LRP5: variants seen among roughly 807,000 people sequenced by gnomAD.
The protein encoded by LRP5 is low-density lipoprotein receptor-related protein 5.
A neutral mutation model predicts 154.1 loss-of-function variants in LRP5; 62 were observed. The observed-to-expected ratio is 0.40, with a 90% CI of 0.33 to 0.50. LRP5 has a LOEUF of 0.50. Among genes scored for constraint, LRP5 ranks in the 20% least tolerant of loss-of-function variants. LRP5 has a pLI of 0.55. For synonymous variants in LRP5, 966 were observed against 1,011.5 expected (o/e 0.96, Z 0.85); for missense variants, 1,915 against 2,336.7 (o/e 0.82, Z 3.72).
At chr11:68,406,048 A>C (rs1591287869) in intron 8 of LRP5, among the ~76,000 whole-genome samples, 1 of 152,242 alleles carries the variant, frequency 6.6e-6, no homozygotes, top group East Asian at 1.9e-4. Flanking sequence ...GCCTTGCTGC[A>C]CTTTAGTTTC....
At chr11:68,305,592 G>A in the LRP5 span, among the ~76,000 whole-genome samples, 8 of 152,024 alleles carry the variant, frequency 5.3e-5, no homozygotes, top group East Asian at 1.4e-3. Flanking sequence ...ACAGATGCAC[G>A]CCACCATGCC....
At chr11:68,375,973 C>T (rs2098637106) in intron 5 of LRP5, among the ~76,000 whole-genome samples, 1 of 152,168 alleles carries the variant, frequency 6.6e-6, no homozygotes, top group African/African-American at 2.4e-5. Context: ...TGCTGATAGC[C>T]ATCTTCTGTC....
chr11:68,377,865 GAT>G lies in LRP5; in HGVS notation c.1016-8450_1016-8449del, dbSNP rs1180555806. ...TTTCCCTGGATCTCAGCTTTCCCCG[GAT>G]CTCAGCTTTCCCCGGATCTCAGCTT... On this transcript the variant is annotated intron_variant, in intron 5 of 22. Transcript: ENST00000294304. Among the ~76,000 whole-genome samples, 431 of 151,540 alleles carry G rather than the reference GAT, an allele frequency of 2.8e-3. 3 individuals are homozygous for G. Among genetic ancestry groups the G allele is most frequent in the African/African-American group, 9.9e-3 (408 of 41,314 alleles).
At chr11:68,349,413 C>A (rs1210119456) in intron 2 of LRP5, among the ~76,000 whole-genome samples, 2 of 152,202 alleles carry the variant, frequency 1.3e-5, no homozygotes, top group Non-Finnish European at 2.9e-5. Context: ...TTAAACACAT[C>A]TTTGCTGTGT....
At chr11:68,438,225 G>A (rs535524075) in intron 19 of LRP5, among the ~76,000 whole-genome samples, 5 of 152,274 alleles carry the variant, frequency 3.3e-5, no homozygotes, top group Admixed American at 6.5e-5. Flanking sequence ...GGACAGCGGC[G>A]GGGGTCAGAG....
the LRP5 span, among the ~76,000 whole-genome samples, chr11:68,298,504 C>A: frequency 1.3e-5 from 2 of 152,204 alleles, no homozygotes; most frequent in Non-Finnish European, 2.9e-5. Context: ...CAGGCTCCCC[C>A]AAACATTGAG....
chr11:68,408,242 A>ATTTTTTTTTT (rs11299690), intron 9 of LRP5, among the ~76,000 whole-genome samples: 5 of 52,112 alleles, frequency 9.6e-5, no homozygotes, highest in Non-Finnish European at 1.1e-4. Context: ...CTCCTGGCTG[A>ATTTTTTTTTT]TTTTTTTTTT....
intron 3 of LRP5, among the ~76,000 whole-genome samples, chr11:68,362,545 G>T (rs537975983): frequency 6.6e-6 from 1 of 152,050 alleles, no homozygotes; most frequent in Non-Finnish European, 1.5e-5. Context: ...CCAAAAATTA[G>T]CTGGGTGTGG....
upstream of LRP5, among the ~76,000 whole-genome samples, chr11:68,312,011 G>A (rs1463875156): frequency 6.6e-6 from 1 of 152,264 alleles, no homozygotes; most frequent in African/African-American, 2.4e-5. Context: ...GGAGCCTGGC[G>A]GGACTTTCTC....
At chr11:68,314,868 C>A (rs1210274353) in intron 1 of LRP5, among the ~76,000 whole-genome samples, 13 of 152,262 alleles carry the variant, frequency 8.5e-5, no homozygotes. Context: ...CTCCCCTCTT[C>A]AGTTCCAAGA....
chr11:68,309,522 C>T (rs1400206056), upstream of LRP5, among the ~76,000 whole-genome samples: 5 of 151,824 alleles, frequency 3.3e-5, no homozygotes, highest in African/African-American at 7.3e-5. Flanking sequence ...TGTGAGTCAC[C>T]GCATCCAGCC....
chr11:68,351,609 G>T (rs1309884106), intron 2 of LRP5, among the ~76,000 whole-genome samples: 1 of 152,168 alleles, frequency 6.6e-6, no homozygotes, highest in Non-Finnish European at 1.5e-5. Flanking sequence ...CCCAGCGTGG[G>T]TCGCTGCAGC....
At chr11:68,417,045 T>C (rs2098662970) in intron 13 of LRP5, among the ~76,000 whole-genome samples, 1 of 152,224 alleles carries the variant, frequency 6.6e-6, no homozygotes, top group Non-Finnish European at 1.5e-5. Context: ...CAAAGTGCCT[T>C]TTGCACATTA....
chr11:68,422,252 T>C (rs746229540), intron 13 of LRP5, among the ~76,000 whole-genome samples: 2 of 152,186 alleles, frequency 1.3e-5, no homozygotes, highest in Non-Finnish European at 2.9e-5. Context: ...TCTCCCTGTT[T>C]TATTAACTGC....
intron 21 of LRP5, among the ~76,000 whole-genome samples, chr11:68,440,399 T>C (rs2098677557): frequency 6.6e-6 from 1 of 152,172 alleles, no homozygotes; most frequent in African/African-American, 2.4e-5. Flanking sequence ...CCTGGAGCTT[T>C]TGGCAGGGTG....
chr11:68,312,675 C>T lies in LRP5; in HGVS notation c.-40C>T. Reference sequence around the variant, plus strand: ...GCCGCCGCCGCCGCGCCATGGAGCCCGAGTGAGCGCGGCGCGGGCCCGTCC... The same window carrying T: ...GCCGCCGCCGCCGCGCCATGGAGCCTGAGTGAGCGCGGCGCGGGCCCGTCC... On this transcript the variant is annotated 5_prime_UTR_variant, in exon 1 of 23. Coordinates refer to ENST00000294304, the MANE Select transcript of LRP5 (RefSeq NM_002335.4). 4 of 927,810 alleles carry T rather than the reference C, an allele frequency of 4.3e-6. No homozygotes were observed. Among genetic ancestry groups the T allele is most frequent in the Non-Finnish European group, 5.2e-6 (4 of 776,410 alleles). The allele number at this position is 927,810 out of a possible 1,614,324, so 57.5% of individuals were successfully genotyped here.
At position 68,386,559 on chromosome 11, in the gene LRP5, G is replaced by C; in HGVS notation, c.1259G>C (p.Gly420Ala). 1 of 1,613,906 alleles carries C rather than the reference G, an allele frequency of 6.2e-7. No homozygotes were observed. Among genetic ancestry groups the C allele is most frequent in the South Asian group, 1.1e-5 (1 of 91,080 alleles). The change falls in exon 6 of 23, where the codon GGC (glycine) becomes GCC (alanine). Residue 420 changes from glycine to alanine, a missense_variant. Transcript: ENST00000294304. The surrounding 1 kb of genome is among the most constrained non-coding windows in gnomAD (Gnocchi z 7.9). ...AACACCGAGATCAACGACCCCGATGGCATCGCGGTCGACTGGGTGGCCCGA... is the reference window on the plus strand; with the variant it reads ...AACACCGAGATCAACGACCCCGATGCCATCGCGGTCGACTGGGTGGCCCGA... ...LVNTEINDPD[G>A]IAVDWVARNL...
chr11:68,378,735 C>A (rs180696073), intron 5 of LRP5, among the ~76,000 whole-genome samples: 1 of 152,052 alleles, frequency 6.6e-6, no homozygotes, highest in South Asian at 2.1e-4. Context: ...TTTCTGTTTA[C>A]GGATCAAAAT....
Position 68,436,908 on chromosome 11 carries a change from G to C in LRP5, c.4020G>C (p.Gln1340His). The change falls in exon 19 of 23, where the codon CAG becomes CAC. Residue 1340 changes from glutamine (Q) to histidine (H), a missense_variant. By Grantham distance (24) the Gln-to-His change is conservative. Transcript: ENST00000294304. Reference protein sequence around the residue: ...ADCDAICLPNQFRCASGQCVL... With the variant: ...ADCDAICLPNHFRCASGQCVL... The stretch of plus-strand genomic sequence containing the variant: ...TTGCAGCCATCTGCCTGCCCAACCA[G>C]TTCCGGTGTGCGAGCGGCCAGTGTG... The C allele has an allele frequency of 6.2e-7, 1 of 1,613,862 alleles. No homozygotes were observed. The highest frequency in any genetic ancestry group is 8.5e-7 in the Non-Finnish European group (1 of 1,179,942).
Sources: allele counts gnomAD v4.1 joint callset (sites outside exome capture counted in the v4.1 genomes callset), GRCh38; gene constraint gnomAD v4.1.1; non-coding constraint Gnocchi (gnomAD v3.1); transcripts MANE v1.5; gene names NCBI Gene and HGNC (gene_info 2026-07-23, HGNC 2026-07-21).